The following TENM3 variants were observed in gnomAD, a reference collection of about 807,000 sequenced individuals.
TENM3 encodes the protein teneurin transmembrane protein 3.
In TENM3, 63 loss-of-function variants were observed where a neutral mutation model predicts 255.1. That is an observed-to-expected ratio of 0.25 (90% CI 0.20 to 0.30). TENM3 has a LOEUF of 0.30. Ranked by LOEUF, TENM3 falls within the 10% of genes least tolerant of loss-of-function variation. TENM3 has a pLI of 1.00. For synonymous variants in TENM3, 1,306 were observed against 1,322.3 expected (o/e 0.99, Z 0.27); for missense variants, 2,929 against 3,461.1 (o/e 0.85, Z 3.86).
chr4:182,253,132 C>T (rs992718574), intron 1 of TENM3, among the ~76,000 whole-genome samples: 2 of 152,168 alleles, frequency 1.3e-5, no homozygotes, highest in African/African-American at 4.8e-5. Flanking sequence ...AGTCTGTGAA[C>T]ATCCAGAAAC....
intron 1 of TENM3, among the ~76,000 whole-genome samples, chr4:182,285,549 G>T (rs80028735): frequency 1.3e-3 from 192 of 152,306 alleles, no homozygotes; most frequent in African/African-American, 4.4e-3. Context: ...CATGAAGACA[G>T]ATCTGTATGA....
chr4:181,794,394 A>G, the TENM3 span, among the ~76,000 whole-genome samples: 2 of 152,066 alleles, frequency 1.3e-5, no homozygotes, highest in Non-Finnish European at 2.9e-5. Flanking sequence ...CCAGAAATTT[A>G]TTCATTCTGT....
At chr4:181,523,099 CTA>C in the TENM3 span, 1 of 490,396 alleles carries the variant, frequency 2.0e-6, no homozygotes, top group South Asian at 1.7e-5. Flanking sequence ...TTGAAGGTCA[CTA>C]TTTTGTTAGT....
At chr4:181,941,689 T>C in the TENM3 span, among the ~76,000 whole-genome samples, 1 of 152,212 alleles carries the variant, frequency 6.6e-6, no homozygotes. Context: ...TTGTGAATGA[T>C]TTGCTTTCAT....
intron 1 of TENM3, among the ~76,000 whole-genome samples, chr4:182,223,977 C>T (rs1032179084): frequency 1.3e-5 from 2 of 152,086 alleles, no homozygotes; most frequent in African/African-American, 4.8e-5. Flanking sequence ...ATGGTGAAAA[C>T]GTCCTTCCAA....
chr4:182,530,326 G>T (rs568710136), intron 3 of TENM3, among the ~76,000 whole-genome samples: 1 of 152,298 alleles, frequency 6.6e-6, no homozygotes, highest in South Asian at 2.1e-4. Context: ...GCAGATTTTA[G>T]TTGAACTTTG....
intron 3 of TENM3, among the ~76,000 whole-genome samples, chr4:182,515,141 A>G (rs1040549459): frequency 1.3e-5 from 2 of 152,202 alleles, no homozygotes; most frequent in Non-Finnish European, 2.9e-5. Context: ...CTGGGGGAGA[A>G]TAGGTTGCAA....
chr4:181,505,889 G>T, the TENM3 span, among the ~76,000 whole-genome samples: 1 of 152,144 alleles, frequency 6.6e-6, no homozygotes, highest in Non-Finnish European at 1.5e-5. Context: ...ACAACAAATA[G>T]AGGGCCTCAC....
the TENM3 span, among the ~76,000 whole-genome samples, chr4:181,726,971 G>A: frequency 1.3e-5 from 2 of 152,314 alleles, no homozygotes; most frequent in East Asian, 3.9e-4. Flanking sequence ...TATTACAAAG[G>A]ATGCAGATGG....
At chr4:181,647,946 A>G in the TENM3 span, among the ~76,000 whole-genome samples, 3 of 152,038 alleles carry the variant, frequency 2.0e-5, no homozygotes, top group Non-Finnish European at 4.4e-5. Context: ...AGGATTCCAC[A>G]CTGCTGTGAG....
chr4:182,488,295 A>C (rs1734953026), intron 3 of TENM3, among the ~76,000 whole-genome samples: 1 of 152,168 alleles, frequency 6.6e-6, no homozygotes, highest in Non-Finnish European at 1.5e-5. Context: ...GAGGGTTCTA[A>C]AAAATACATA....
chr4:181,511,051 G>T, the TENM3 span, among the ~76,000 whole-genome samples: 57 of 152,282 alleles, frequency 3.7e-4, no homozygotes, highest in African/African-American at 1.3e-3. Flanking sequence ...CAAGAAAATA[G>T]TTAAAATATC....
chr4:182,594,683 G>GGTGTGTGTGTGT (rs67667219), intron 3 of TENM3, among the ~76,000 whole-genome samples: 27 of 138,252 alleles, frequency 2.0e-4, no homozygotes, highest in African/African-American at 6.4e-4. Context: ...TTTTTGTTTT[G>GGTGTGTGTGTGT]GTGTGTGTGT....
At chr4:182,290,455 T>A (rs748668453) in intron 1 of TENM3, among the ~76,000 whole-genome samples, 2 of 152,184 alleles carry the variant, frequency 1.3e-5, no homozygotes, top group Non-Finnish European at 2.9e-5. Context: ...CAAACCAAAC[T>A]TGGCGACTTT....
At chr4:182,603,543 G>A (rs192469214) in intron 4 of TENM3, among the ~76,000 whole-genome samples, 3 of 152,060 alleles carry the variant, frequency 2.0e-5, no homozygotes, top group Non-Finnish European at 2.9e-5. Context: ...ACACTGTACC[G>A]ACACAGTACT....
chr4:182,066,602 AT>A, the TENM3 span, among the ~76,000 whole-genome samples: 4,160 of 80,678 alleles, frequency 0.052, 80 homozygotes, highest in Non-Finnish European at 0.077. Context: ...AAAAAAAAAT[AT>A]ATATATATAT....
the TENM3 span, among the ~76,000 whole-genome samples, chr4:181,669,809 T>A: frequency 6.6e-5 from 10 of 152,180 alleles, no homozygotes; most frequent in Non-Finnish European, 1.3e-4. Context: ...TGTTTAAGAA[T>A]GTTATGAGTG....
Position 182,754,482 on chromosome 4 carries a change from G to T in TENM3, c.4115G>T (p.Arg1372Leu). ...GTAGTTTTACAGATCACTGAAAATC[G>T]TCAAGTTCGCATTGCTGCTGGACGG... is the stretch of plus-strand genomic sequence containing the variant. ...NNVVLQITENRQVRIAAGRPM... is the reference protein window; with the variant it reads ...NNVVLQITENLQVRIAAGRPM... Residue 1372 changes from arginine to leucine, a missense_variant, in exon 22 of 28, where the codon CGT becomes CTT. Coordinates refer to ENST00000511685, the MANE Select transcript of TENM3 (RefSeq NM_001080477.4). This position sits in a 1 kb window ranked among gnomAD's most constrained non-coding sequence, Gnocchi z 5.1. 1.2e-6 allele frequency: 2 copies of T among 1,613,240 alleles called. No homozygotes were observed. Among genetic ancestry groups the T allele is most frequent in the South Asian group, 2.2e-5 (2 of 90,854 alleles).
chr4:182,007,120 C>A, the TENM3 span, among the ~76,000 whole-genome samples: 1 of 152,072 alleles, frequency 6.6e-6, no homozygotes, highest in African/African-American at 2.4e-5. Flanking sequence ...AGTTCTTCTG[C>A]ATTTACTGAG....
Sources: gnomAD v4.1 joint callset for allele counts (sites outside exome capture counted in the v4.1 genomes callset) on GRCh38, gnomAD v4.1.1 for gene constraint, Gnocchi (gnomAD v3.1) non-coding constraint, MANE v1.5 for transcripts, NCBI Gene and HGNC (gene_info 2026-07-23, HGNC 2026-07-21) for gene names.